Variants in LOC400499 observed in about 807,000 individuals in gnomAD.
At chr16:11,476,961 T>A in the LOC400499 span, 1 of 399,290 alleles carries the variant, frequency 2.5e-6, no homozygotes, top group Non-Finnish European at 4.4e-6. Context: ...GGGACAGGCA[T>A]GTACCAGCTG....
the LOC400499 span, chr16:11,384,871 C>T: frequency 4.1e-5 from 51 of 1,232,190 alleles, no homozygotes; most frequent in Non-Finnish European, 5.1e-5. Context: ...GCCAACCCTC[C>T]TGGGGCCCAG....
At chr16:11,446,931 C>G in the LOC400499 span, 13 of 1,525,888 alleles carry the variant, frequency 8.5e-6, no homozygotes, top group Non-Finnish European at 1.1e-5. Flanking sequence ...GAGGGAAAAA[C>G]AGGCCAAAGC....
the LOC400499 span, chr16:11,478,727 G>T: frequency 1.0e-5 from 4 of 398,898 alleles, no homozygotes; most frequent in Admixed American, 4.4e-5. Flanking sequence ...CACAGTCAGG[G>T]TTAGCAGAGT....
the LOC400499 span, among the ~76,000 whole-genome samples, chr16:11,479,707 AT>A: frequency 6.6e-6 from 1 of 152,170 alleles, no homozygotes; most frequent in African/African-American, 2.4e-5. Context: ...TGATTTCCCC[AT>A]TGTTAACATC....
At chr16:11,476,341 C>A in the LOC400499 span, among the ~76,000 whole-genome samples, 1 of 151,976 alleles carries the variant, frequency 6.6e-6, no homozygotes, top group Admixed American at 6.6e-5. Context: ...CAAGCATGCC[C>A]CAGAGGGACT....
the LOC400499 span, among the ~76,000 whole-genome samples, chr16:11,500,085 A>C: frequency 6.6e-6 from 1 of 152,206 alleles, no homozygotes; most frequent in Non-Finnish European, 1.5e-5. Flanking sequence ...ATGTGTGTTT[A>C]TAAATATAAT....
the LOC400499 span, chr16:11,399,092 A>T: frequency 2.2e-6 from 1 of 462,816 alleles, no homozygotes; most frequent in Non-Finnish European, 2.8e-6. Flanking sequence ...TCTGCAGAAC[A>T]GTGCTCGGCC....
chr16:11,440,946 G>C, the LOC400499 span: 13 of 398,986 alleles, frequency 3.3e-5, no homozygotes, highest in East Asian at 3.9e-4. Context: ...TACCTGGTAG[G>C]AATGGGCCAA....
At chr16:11,482,175 G>C in the LOC400499 span, among the ~76,000 whole-genome samples, 1 of 152,214 alleles carries the variant, frequency 6.6e-6, no homozygotes. Context: ...AATCCAAGAC[G>C]ATGAACCCCA....
chr16:11,468,481 G>A, the LOC400499 span, among the ~76,000 whole-genome samples: 2 of 152,056 alleles, frequency 1.3e-5, no homozygotes, highest in African/African-American at 4.8e-5. Context: ...ACAACTCTGT[G>A]CCTGGTTAAC....
chr16:11,511,778 G>A, the LOC400499 span, among the ~76,000 whole-genome samples: 2 of 152,220 alleles, frequency 1.3e-5, no homozygotes, highest in Non-Finnish European at 2.9e-5. Flanking sequence ...TGTAATCCCA[G>A]CACTTTGGGA....
the LOC400499 span, among the ~76,000 whole-genome samples, chr16:11,525,645 C>T: frequency 2.7e-4 from 41 of 152,224 alleles, no homozygotes; most frequent in Middle Eastern, 3.4e-3. Flanking sequence ...CTTGTTTGCT[C>T]AACAGACAAT....
chr16:11,428,573 A>T, the LOC400499 span, among the ~76,000 whole-genome samples: 1 of 152,200 alleles, frequency 6.6e-6, no homozygotes, highest in Non-Finnish European at 1.5e-5. Flanking sequence ...ATGAGAACGA[A>T]CAGAGGACGC....
At chr16:11,375,901 G>T in the LOC400499 span, among the ~76,000 whole-genome samples, 39 of 152,124 alleles carry the variant, frequency 2.6e-4, no homozygotes, top group East Asian at 7.2e-3. Context: ...AGCTAATTTT[G>T]TATTTTTAGT....
At chr16:11,446,527 G>T in the LOC400499 span, 1 of 1,534,540 alleles carries the variant, frequency 6.5e-7, no homozygotes, top group Non-Finnish European at 8.7e-7. Flanking sequence ...GGGTGCAAAA[G>T]TCTCTGGGGT....
At chr16:11,494,768 C>G in the LOC400499 span, 1 of 399,062 alleles carries the variant, frequency 2.5e-6, no homozygotes, top group Non-Finnish European at 4.4e-6. Flanking sequence ...TGGCTGGGGA[C>G]AGAAATCGGC....
chr16:11,383,036 G>C, the LOC400499 span, among the ~76,000 whole-genome samples: 3 of 151,910 alleles, frequency 2.0e-5, no homozygotes, highest in Non-Finnish European at 4.4e-5. Flanking sequence ...AATCATGGCA[G>C]GAGGAGAGAG....
chr16:11,518,415 G>C, the LOC400499 span, among the ~76,000 whole-genome samples: 1 of 152,106 alleles, frequency 6.6e-6, no homozygotes, highest in African/African-American at 2.4e-5. Context: ...CAAAAGAGGG[G>C]CTTAGCTTGG....
chr16:11,421,382 GTCAC>G, the LOC400499 span, among the ~76,000 whole-genome samples: 2 of 151,928 alleles, frequency 1.3e-5, no homozygotes, highest in Non-Finnish European at 2.9e-5. Flanking sequence ...GTTTTATGTG[GTCAC>G]TCACTCTGGT....
Sources: gnomAD v4.1 joint callset for allele counts (sites outside exome capture counted in the v4.1 genomes callset) on GRCh38, gnomAD v4.1.1 for gene constraint, MANE v1.5 for transcripts.